CYTIP: variants seen among roughly 807,000 people sequenced by gnomAD.
CYTIP encodes cytohesin 1 interacting protein, also known as cytohesin-interacting protein.
A neutral mutation model predicts 43.8 loss-of-function variants in CYTIP; 26 were observed. That is an observed-to-expected ratio of 0.59 (90% CI 0.44 to 0.82). The LOEUF (loss-of-function observed/expected upper bound fraction) is 0.82. CYTIP is among the 40% of genes least tolerant of loss of function. CYTIP has a pLI of 0.00. For missense variants in CYTIP, 426 were observed against 443.1 expected (o/e 0.96, Z 0.35); for synonymous variants, 162 against 162.9 (o/e 0.99, Z 0.04).
intron 6 of CYTIP, among the ~76,000 whole-genome samples, chr2:157,420,307 G>A (rs764192251): frequency 3.9e-5 from 6 of 152,182 alleles, no homozygotes; most frequent in Admixed American, 6.5e-5. Context: ...CCTGAGGTCA[G>A]GAGTTCAAGA....
chr2:157,441,293 AAC>A (rs1455841674), intron 1 of CYTIP, among the ~76,000 whole-genome samples: 1 of 152,204 alleles, frequency 6.6e-6, no homozygotes, highest in Non-Finnish European at 1.5e-5. Flanking sequence ...ATTCTCTAAA[AAC>A]CAGTTAAAGG....
chr2:157,443,641 G>A (rs1439061522), intron 1 of CYTIP, among the ~76,000 whole-genome samples: 1 of 151,620 alleles, frequency 6.6e-6, no homozygotes, highest in Non-Finnish European at 1.5e-5. Flanking sequence ...CTTAATTTTT[G>A]CCTTGAAAAA....
chr2:157,428,701 G>A (rs1385423807), intron 5 of CYTIP, among the ~76,000 whole-genome samples: 1 of 152,146 alleles, frequency 6.6e-6, no homozygotes, highest in Non-Finnish European at 1.5e-5. Flanking sequence ...GTTCCCCTCA[G>A]ACTCTGCACG....
At chr2:157,431,323 A>C (rs1398543174) in intron 3 of CYTIP, among the ~76,000 whole-genome samples, 1 of 152,246 alleles carries the variant, frequency 6.6e-6, no homozygotes, top group Non-Finnish European at 1.5e-5. Flanking sequence ...AAAATCCCTA[A>C]GTGGTTCTCC....
intron 3 of CYTIP, among the ~76,000 whole-genome samples, chr2:157,433,426 G>A (rs1201513896): frequency 1.3e-5 from 2 of 152,046 alleles, no homozygotes; most frequent in African/African-American, 4.8e-5. Flanking sequence ...GTTTTTCTTA[G>A]CAGTTTCCTG....
chr2:157,434,575 T>C, intron 2 of CYTIP, 123 bp downstream of exon 2: 3 of 839,094 alleles, frequency 3.6e-6, no homozygotes, highest in Admixed American at 2.4e-5. Context: ...TGTCTGTGTG[T>C]GTGCGTCTGT....
chr2:157,419,159 C>T lies in CYTIP; in HGVS notation c.547-570G>A, dbSNP rs545707066. On this transcript the variant is annotated intron_variant, in intron 6 of 7. Transcript: ENST00000264192. ...GATTACAGGCACGCCCCACCATGCCCGGCCAAATTTCTGTCTTTTTAGTAG... is the reference window on the plus strand; with the variant it reads ...GATTACAGGCACGCCCCACCATGCCTGGCCAAATTTCTGTCTTTTTAGTAG... Among the ~76,000 whole-genome samples, 108 of 152,264 alleles carry T rather than the reference C, an allele frequency of 7.1e-4. 1 individual carries two copies. The highest frequency in any genetic ancestry group is 2.3e-3 in the African/African-American group (97 of 41,556).
At chr2:157,417,347 G>A (rs1685453700) in intron 7 of CYTIP, among the ~76,000 whole-genome samples, 1 of 152,142 alleles carries the variant, frequency 6.6e-6, no homozygotes, top group African/African-American at 2.4e-5. Flanking sequence ...TCTAGAAAAA[G>A]CAGAACTCCT....
intron 5 of CYTIP, among the ~76,000 whole-genome samples, chr2:157,428,543 T>A (rs1292690218): frequency 6.6e-6 from 1 of 152,216 alleles, no homozygotes; most frequent in African/African-American, 2.4e-5. Flanking sequence ...ACTGCAACCA[T>A]TGATTTGGCC....
chr2:157,419,706 T>C (rs150271783), intron 6 of CYTIP, among the ~76,000 whole-genome samples: 1 of 152,138 alleles, frequency 6.6e-6, no homozygotes, highest in African/African-American at 2.4e-5. Context: ...GACAGCCTAG[T>C]TGAAACAAGC....
chr2:157,441,084 T>C (rs1685901310), intron 1 of CYTIP, among the ~76,000 whole-genome samples: 1 of 6,900 alleles, frequency 1.4e-4, no homozygotes, highest in Admixed American at 2.5e-3. Flanking sequence ...CAATTGATTC[T>C]GAAGACTAAT....
intron 1 of CYTIP, 32 bp downstream of exon 1, chr2:157,443,815 A>T (rs761062040): frequency 6.2e-7 from 1 of 1,603,930 alleles, no homozygotes; most frequent in South Asian, 1.1e-5. Context: ...GAGAATGTGA[A>T]CACTCTAAAG....
intron 1 of CYTIP, among the ~76,000 whole-genome samples, chr2:157,437,949 A>G (rs1685839574): frequency 6.6e-6 from 1 of 152,154 alleles, no homozygotes; most frequent in South Asian, 2.1e-4. Flanking sequence ...TACAGCCACT[A>G]TGGAGAACAG....
chr2:157,427,962 T>C (rs933976684), intron 5 of CYTIP, among the ~76,000 whole-genome samples: 3 of 152,212 alleles, frequency 2.0e-5, no homozygotes, highest in African/African-American at 7.2e-5. Context: ...TAAATCTCCT[T>C]ATAATTTTGG....
intron 1 of CYTIP, among the ~76,000 whole-genome samples, chr2:157,436,735 G>A (rs1685811487): frequency 6.6e-6 from 1 of 151,766 alleles, no homozygotes; most frequent in African/African-American, 2.4e-5. Context: ...CACAGGGCCT[G>A]GAATAGAATG....
At chr2:157,426,932 G>A (rs750591548) in intron 6 of CYTIP, among the ~76,000 whole-genome samples, 20 of 152,278 alleles carry the variant, frequency 1.3e-4, no homozygotes, top group Non-Finnish European at 1.9e-4. Context: ...TAAGGTTTTC[G>A]TTTTAAGGAT....
chr2:157,434,837 TC>T, intron 1 of CYTIP, 90 bp from the exon 2 acceptor site: 1 of 476,898 alleles, frequency 2.1e-6, no homozygotes, highest in Non-Finnish European at 4.1e-6. Context: ...TCTCTCTCTC[TC>T]TCTCTCTCTC....
chr2:157,434,586 G>T, intron 2 of CYTIP, 112 bp downstream of exon 2: 2 of 807,682 alleles, frequency 2.5e-6, no homozygotes, highest in Non-Finnish European at 3.9e-6. Context: ...GTGCGTCTGT[G>T]TGTGTGCGTA....
At chr2:157,418,211 T>C (rs961056768) in intron 7 of CYTIP, among the ~76,000 whole-genome samples, 2 of 152,322 alleles carry the variant, frequency 1.3e-5, no homozygotes, top group Middle Eastern at 3.4e-3. Flanking sequence ...TGTAATTCAT[T>C]CACTGAAGTA....
Sources: gnomAD v4.1 joint callset for allele counts (sites outside exome capture counted in the v4.1 genomes callset) on GRCh38, gnomAD v4.1.1 for gene constraint, MANE v1.5 for transcripts, NCBI Gene and HGNC (gene_info 2026-07-23, HGNC 2026-07-21) for gene names.